KATNIP: variants seen among roughly 807,000 people sequenced by gnomAD.
The protein encoded by KATNIP is katanin interacting protein.
KATNIP carries 126 observed loss-of-function variants against 174.0 expected under a neutral mutation model. The ratio of observed to expected loss-of-function variants is 0.72; its 90% CI spans 0.63 to 0.84. KATNIP has a LOEUF of 0.84. Among genes scored for constraint, KATNIP ranks in the 40% least tolerant of loss-of-function variants. The pLI, the probability that KATNIP is intolerant of heterozygous loss-of-function variation, is 0.00. For synonymous variants in KATNIP, 810 were observed against 835.7 expected (o/e 0.97, Z 0.53); for missense variants, 1,958 against 2,109.7 (o/e 0.93, Z 1.41).
intron 2 of KATNIP, among the ~76,000 whole-genome samples, chr16:27,586,107 A>T (rs1201992763): frequency 6.6e-6 from 1 of 152,170 alleles, no homozygotes; most frequent in African/African-American, 2.4e-5. Context: ...TCTCAAAAAA[A>T]TAATAATAAT....
At chr16:27,738,720 G>A (rs150203620) in intron 14 of KATNIP, among the ~76,000 whole-genome samples, 79 of 152,314 alleles carry the variant, frequency 5.2e-4, no homozygotes, top group African/African-American at 1.9e-3. Context: ...TCTGAGTCCA[G>A]AAGTTACCTA....
At chr16:27,734,431 G>T (rs1401335554) in intron 14 of KATNIP, among the ~76,000 whole-genome samples, 1 of 150,132 alleles carries the variant, frequency 6.7e-6, no homozygotes, top group South Asian at 2.1e-4. Context: ...AGGTGCAGTG[G>T]TTCATGCCTG....
intron 5 of KATNIP, among the ~76,000 whole-genome samples, chr16:27,639,238 G>A (rs2076726411): frequency 6.6e-6 from 1 of 152,168 alleles, no homozygotes; most frequent in South Asian, 2.1e-4. Context: ...AAGCCCCTCA[G>A]ATTCCTGGGG....
At chr16:27,577,798 A>G (rs1226115004) in intron 2 of KATNIP, among the ~76,000 whole-genome samples, 1 of 152,154 alleles carries the variant, frequency 6.6e-6, no homozygotes, top group Non-Finnish European at 1.5e-5. Flanking sequence ...GCTTGAGCCC[A>G]GGAGTTCGAG....
At chr16:27,587,523 T>C (rs1334316289) in intron 2 of KATNIP, among the ~76,000 whole-genome samples, 5 of 152,216 alleles carry the variant, frequency 3.3e-5, no homozygotes, top group Non-Finnish European at 7.3e-5. Context: ...TTACAGATGC[T>C]CCTTAACATA....
intron 2 of KATNIP, among the ~76,000 whole-genome samples, chr16:27,610,886 T>C (rs1017471200): frequency 5.9e-5 from 9 of 152,196 alleles, no homozygotes; most frequent in Non-Finnish European, 1.2e-4. Flanking sequence ...CTCAAAAGAA[T>C]GCAACCATTT....
chr16:27,607,234 TA>T (rs1416326717), intron 2 of KATNIP, among the ~76,000 whole-genome samples: 1 of 152,176 alleles, frequency 6.6e-6, no homozygotes, highest in Admixed American at 6.5e-5. Context: ...CAAGGTGTTA[TA>T]CCCAGAACAG....
intron 5 of KATNIP, among the ~76,000 whole-genome samples, chr16:27,640,427 A>G (rs1008782903): frequency 3.9e-5 from 6 of 152,156 alleles, no homozygotes; most frequent in Non-Finnish European, 7.4e-5. Flanking sequence ...TGGGCTGCTC[A>G]CTGGAGGTGA....
At chr16:27,674,824 C>G in intron 6 of KATNIP, among the ~76,000 whole-genome samples, 1 of 152,192 alleles carries the variant, frequency 6.6e-6, no homozygotes, top group East Asian at 1.9e-4. Context: ...CAGAATACAT[C>G]CATCCCATCC....
Position 27,677,842 on chromosome 16 carries a change from G to GA in KATNIP, c.654_655insA (p.Asp219ArgfsTer11). ...ACATACTCTCTGAGCCTGAGCCAGA[G>GA]GACCCGGCACTGGTGGGCCATCCCA... On this transcript the variant is annotated frameshift_variant, in exon 7 of 28. Transcript: ENST00000261588. LOFTEE classifies it high-confidence loss of function. 1 of 1,614,188 alleles carries GA rather than the reference G, an allele frequency of 6.2e-7. No individual in the cohort carries two copies. The highest frequency in any genetic ancestry group is 1.1e-5 in the South Asian group (1 of 91,080).
At chr16:27,745,691 T>G (rs1597360124) in intron 15 of KATNIP, among the ~76,000 whole-genome samples, 1 of 152,224 alleles carries the variant, frequency 6.6e-6, no homozygotes, top group African/African-American at 2.4e-5. Flanking sequence ...ATAGTCCTAT[T>G]CATCTCAATC....
At chr16:27,742,490 C>T (rs1009409574) in intron 15 of KATNIP, among the ~76,000 whole-genome samples, 2 of 152,198 alleles carry the variant, frequency 1.3e-5, no homozygotes, top group African/African-American at 4.8e-5. Context: ...CAGGGCTCAC[C>T]CCTAGAGCCT....
chr16:27,778,753 C>A lies in KATNIP; in HGVS notation c.*124C>A. ...AGCGAACCACAGTGTTGAGGGGAGC[C>A]CGCTGGGAAGAGGGGACTCGGGAGG... On this transcript the variant is annotated 3_prime_UTR_variant, in exon 28 of 28. Coordinates refer to ENST00000261588, the MANE Select transcript of KATNIP (RefSeq NM_015202.5). The A allele has an allele frequency of 1.1e-6, 1 of 910,390 alleles. No individual in the cohort carries two copies. Among genetic ancestry groups the A allele is most frequent in the South Asian group, 1.7e-5 (1 of 57,642 alleles). 56.4% of individuals were successfully genotyped at this position (910,390 alleles called of 1,614,324 possible).
At chr16:27,661,250 A>G (rs1424285616) in intron 6 of KATNIP, among the ~76,000 whole-genome samples, 1 of 152,180 alleles carries the variant, frequency 6.6e-6, no homozygotes, top group Non-Finnish European at 1.5e-5. Flanking sequence ...TGAGTGAGGC[A>G]GGTGGGTCAG....
At chr16:27,575,045 A>G (rs995670300) in intron 2 of KATNIP, among the ~76,000 whole-genome samples, 4 of 152,188 alleles carry the variant, frequency 2.6e-5, no homozygotes, top group African/African-American at 9.7e-5. Flanking sequence ...GTTAAGTGAA[A>G]CACAGTCCTT....
intron 2 of KATNIP, among the ~76,000 whole-genome samples, chr16:27,611,983 G>A (rs2075904861): frequency 1.3e-5 from 2 of 152,206 alleles, no homozygotes; most frequent in Non-Finnish European, 2.9e-5. Flanking sequence ...CCCTTGGAGA[G>A]TCTGGGAGCG....
At chr16:27,650,033 C>T (rs763583434) in intron 6 of KATNIP, among the ~76,000 whole-genome samples, 1 of 152,048 alleles carries the variant, frequency 6.6e-6, no homozygotes, top group Non-Finnish European at 1.5e-5. Context: ...ATTAGCTGGG[C>T]GTGGTGGTGT....
At chr16:27,609,569 T>C (rs909659521) in intron 2 of KATNIP, among the ~76,000 whole-genome samples, 2 of 151,514 alleles carry the variant, frequency 1.3e-5, no homozygotes, top group Non-Finnish European at 2.9e-5. Flanking sequence ...TTTTTGTATC[T>C]TTAGTAGAGA....
Position 27,778,883 on chromosome 16 carries a change from T to A in KATNIP, c.*254T>A. 4.5e-6 allele frequency: 2 copies of A among 445,268 alleles called. No homozygotes were observed. The highest frequency in any genetic ancestry group is 3.6e-5 in the East Asian group (1 of 27,502). The allele number at this position is 445,268 out of a possible 1,614,324, so 27.6% of individuals were successfully genotyped here. ...AGGGAGCCCAGGACACCCGCCTTCATGCCTCTGCTGTGAGACCCAGCAAAG... is the reference window on the plus strand; with the variant it reads ...AGGGAGCCCAGGACACCCGCCTTCAAGCCTCTGCTGTGAGACCCAGCAAAG... On this transcript the variant is annotated 3_prime_UTR_variant, in exon 28 of 28. Transcript: ENST00000261588.
Sources: gnomAD v4.1 joint callset for allele counts (sites outside exome capture counted in the v4.1 genomes callset) on GRCh38, gnomAD v4.1.1 for gene constraint, MANE v1.5 for transcripts, NCBI Gene and HGNC (gene_info 2026-07-23, HGNC 2026-07-21) for gene names.